AK7: variants seen among roughly 807,000 people sequenced by gnomAD.
The protein encoded by AK7 is adenylate kinase 7.
AK7 carries 78 observed loss-of-function variants against 96.6 expected under a neutral mutation model. That is an observed-to-expected ratio of 0.81 (90% confidence interval 0.67 to 0.97). The LOEUF (loss-of-function observed/expected upper bound fraction) is 0.97. AK7 is among the 50% of genes least tolerant of loss of function. AK7 has a pLI of 0.00. For synonymous variants in AK7, 302 were observed against 317.2 expected, an observed-to-expected ratio of 0.95 and a Z score of 0.51; for missense variants, 855 against 887.9, an observed-to-expected ratio of 0.96 and a Z score of 0.47.
chr14:96,487,718 C>T (rs1274540788), intron 17 of AK7, among the ~76,000 whole-genome samples: 1 of 151,472 alleles, frequency 6.6e-6, no homozygotes, highest in East Asian at 2.0e-4. Flanking sequence ...TGAGCCACCA[C>T]GCCTGGCCTA....
Position 96,420,870 on chromosome 14 carries a change from T to A in AK7, c.547T>A (p.Ser183Thr). Residue 183 changes from serine to threonine, a missense_variant, in exon 5 of 18, where the codon TCT becomes ACT. Physicochemically the swap from Ser to Thr is moderately conservative, Grantham distance 58 (BLOSUM62 1). Transcript: ENST00000267584. The part of the protein sequence containing the change: ...FTEEDYRRRK[S>T]HPNFLDHINA... Reference sequence around the variant, plus strand: ...TGAAGAAGATTATCGAAGAAGAAAGTCTCATCCTAATTTTCTGGACCACAT... The same window carrying A: ...TGAAGAAGATTATCGAAGAAGAAAGACTCATCCTAATTTTCTGGACCACAT... 1 of 1,613,868 alleles carries A rather than the reference T, an allele frequency of 6.2e-7. No individual in the cohort carries two copies.
chr14:96,407,580 C>CTTTTTTTTTTT (rs11364736), intron 3 of AK7, among the ~76,000 whole-genome samples: 1 of 60,312 alleles, frequency 1.7e-5, no homozygotes, highest in Non-Finnish European at 3.8e-5. Context: ...TCTTTCTTTT[C>CTTTTTTTTTTT]TTTTTTTTTT....
intron 2 of AK7, among the ~76,000 whole-genome samples, chr14:96,402,352 C>T (rs1257577819): frequency 6.6e-6 from 1 of 152,210 alleles, no homozygotes; most frequent in African/African-American, 2.4e-5. Flanking sequence ...CGGGTCAGGA[C>T]AACCATTCTC....
intron 8 of AK7, among the ~76,000 whole-genome samples, 177 bp from the exon 9 acceptor site, chr14:96,449,625 G>A (rs1279338427): frequency 6.6e-6 from 1 of 152,126 alleles, no homozygotes; most frequent in Non-Finnish European, 1.5e-5. Flanking sequence ...GTAGAGACGG[G>A]GTTTCACCAT....
At chr14:96,461,531 A>G (rs901293612) in intron 12 of AK7, among the ~76,000 whole-genome samples, 7 of 152,160 alleles carry the variant, frequency 4.6e-5, no homozygotes, top group Non-Finnish European at 7.4e-5. Context: ...CCCTAAGGAG[A>G]GACAAGAATG....
intron 16 of AK7, among the ~76,000 whole-genome samples, chr14:96,485,497 C>G (rs1178476358): frequency 1.3e-5 from 2 of 152,154 alleles, no homozygotes; most frequent in African/African-American, 4.8e-5. Flanking sequence ...ATAATGATAG[C>G]ACCTACTTCA....
At position 96,411,863 on chromosome 14, in the gene AK7, A is replaced by C. The variant is rs547092393; in HGVS notation, c.498+2922A>C. On this transcript the variant is annotated intron_variant, in intron 4 of 17. Coordinates refer to ENST00000267584, the MANE Select transcript of AK7 (RefSeq NM_152327.5). ...GAATCCAGCTTTCTTAATCAGAAAG[A>C]AGACATGTTAGAAAGACATACACAA... 2.6e-5 allele frequency among the ~76,000 whole-genome samples: 4 copies of C among 152,384 alleles called. No homozygotes were observed. In the East Asian group the frequency reaches 7.7e-4, roughly 29 times the overall value.
rs1423207588 is a variant in AK7 at position 96,456,747 on chromosome 14, C to T, written c.1227+272C>T. ...TGTGGCGCTTGCTGGCTTTGGCACC[C>T]GCAATGAACACAAGTGTGTGTTTGT... On this transcript the variant is annotated intron_variant, in intron 11 of 17. Transcript: ENST00000267584. The T allele has an allele frequency of 3.9e-5, 12 of 309,288 alleles. No homozygotes were observed. The East Asian group carries it at 4.4e-4, about 11-fold the overall frequency. 19.2% of individuals were successfully genotyped at this position (309,288 alleles called of 1,614,324 possible). A position where few individuals can be genotyped will look rare whatever the true frequency, so the allele number is the denominator to read the frequency against.
chr14:96,416,248 G>A (rs1427576365), intron 4 of AK7, among the ~76,000 whole-genome samples: 1 of 152,106 alleles, frequency 6.6e-6, no homozygotes, highest in African/African-American at 2.4e-5. Context: ...TTAGCTGGGT[G>A]TGGTGGTGTA....
At chr14:96,487,241 T>A (rs1895821809) in intron 17 of AK7, among the ~76,000 whole-genome samples, 185 bp downstream of exon 17, 1 of 148,740 alleles carries the variant, frequency 6.7e-6, no homozygotes, top group Non-Finnish European at 1.5e-5. Context: ...AAAAATTAGC[T>A]GGGTGTGGTG....
intron 5 of AK7, among the ~76,000 whole-genome samples, chr14:96,435,738 G>A (rs1315277867): frequency 1.3e-5 from 2 of 152,184 alleles, no homozygotes; most frequent in East Asian, 1.9e-4. Flanking sequence ...AGCCCCCTCT[G>A]ACTCAGGCTG....
chr14:96,403,893 C>T (rs1319913354), intron 2 of AK7, among the ~76,000 whole-genome samples: 1 of 151,954 alleles, frequency 6.6e-6, no homozygotes, highest in African/African-American at 2.4e-5. Flanking sequence ...GCCTGTAATC[C>T]CAACCTTTTG....
intron 5 of AK7, chr14:96,424,225 C>T (rs1389566883): frequency 8.6e-6 from 4 of 467,558 alleles, no homozygotes; most frequent in South Asian, 4.3e-5. Flanking sequence ...GTGGCGGGGC[C>T]GAGCGGAGCG....
chr14:96,478,608 G>A lies in AK7; in HGVS notation c.1699G>A (p.Asp567Asn), dbSNP rs368876091. 13 of 1,614,162 alleles carry A rather than the reference G, an allele frequency of 8.1e-6. No individual in the cohort carries two copies. Among genetic ancestry groups the A allele is most frequent in the South Asian group, 3.3e-5 (3 of 91,086 alleles). The change falls in exon 15 of 18, where the codon GAT becomes AAT. Residue 567 changes from aspartate (D) to asparagine (N), a missense_variant. Asp to Asn is a conservative substitution (Grantham distance 23). Transcript: ENST00000267584. The stretch of plus-strand genomic sequence containing the variant: ...CAACTACCGGGACATCAATATCGAC[G>A]ATGAGACTGTCTTCAACTATTTTGA... Reference protein sequence around the residue: ...LSNYRDINIDDETVFNYFDEL... With the variant: ...LSNYRDINIDNETVFNYFDEL...
chr14:96,441,635 T>A (rs1235941830), intron 6 of AK7, among the ~76,000 whole-genome samples: 6 of 75,350 alleles, frequency 8.0e-5, no homozygotes, highest in African/African-American at 2.8e-4. Context: ...ACAGCAAGAC[T>A]CCGTCTCAAA....
At position 96,406,147 on chromosome 14, in the gene AK7, G is replaced by A. The variant is rs577870460; in HGVS notation, c.403+1282G>A. On this transcript the variant is annotated intron_variant, in intron 3 of 17. Transcript: ENST00000267584. ...TGGCTCACTGCAGTCTCCACCTCCC[G>A]GGTTCAAGTGATTCTCCTGCCTCAG... Among the ~76,000 whole-genome samples the A allele has an allele frequency of 3.3e-4, 50 of 151,904 alleles. No homozygotes were observed. In the East Asian group the frequency reaches 4.4e-3, roughly 14 times the overall value.
At chr14:96,441,900 A>G (rs1478740310) in intron 6 of AK7, among the ~76,000 whole-genome samples, 2 of 151,862 alleles carry the variant, frequency 1.3e-5, no homozygotes, top group East Asian at 1.9e-4. Flanking sequence ...CACACCTGCC[A>G]TCACCCCTCT....
intron 2 of AK7, among the ~76,000 whole-genome samples, chr14:96,404,549 C>A (rs902196808): frequency 1.3e-5 from 2 of 152,176 alleles, no homozygotes; most frequent in African/African-American, 4.8e-5. Context: ...ATCATCTGTT[C>A]CAAGCTGTTT....
chr14:96,448,428 C>G (rs1332034205), intron 8 of AK7, among the ~76,000 whole-genome samples: 1 of 151,642 alleles, frequency 6.6e-6, no homozygotes, highest in Non-Finnish European at 1.5e-5. Flanking sequence ...GCCAGGAGTC[C>G]AAGACCAGCA....
Sources: allele counts gnomAD v4.1 joint callset (sites outside exome capture counted in the v4.1 genomes callset), GRCh38; gene constraint gnomAD v4.1.1; transcripts MANE v1.5; gene names NCBI Gene and HGNC (gene_info 2026-07-23, HGNC 2026-07-21).